The following RBM6 variants were observed in gnomAD, a reference collection of about 807,000 sequenced individuals.
RBM6 encodes RNA binding motif protein 6.
A neutral mutation model predicts 140.4 loss-of-function variants in RBM6; 23 were observed. That is an observed-to-expected ratio of 0.16 (90% CI 0.12 to 0.23). The LOEUF (loss-of-function observed/expected upper bound fraction) is 0.23, where lower values mean the gene tolerates loss of function less well. Ranked by LOEUF, RBM6 falls within the 10% of genes least tolerant of loss-of-function variation. RBM6 has a pLI of 1.00. For missense variants in RBM6, 1,139 were observed against 1,386.7 expected (o/e 0.82, Z 2.84); for synonymous variants, 439 against 475.6 (o/e 0.92, Z 1.00).
rs770271909 is a variant in RBM6, at chr3:50,058,550, C to T, written c.2118C>T (p.Leu706=). 27 of 1,608,222 alleles carry T rather than the reference C, an allele frequency of 1.7e-5. No individual in the cohort carries two copies. The highest frequency in any genetic ancestry group is 5.5e-5 in the South Asian group (5 of 90,950). Residue 706 remains leucine, a synonymous_variant, in exon 10 of 21, where the codon CTC becomes CTT. Coordinates refer to ENST00000266022, the MANE Select transcript of RBM6 (RefSeq NM_005777.3). The stretch of plus-strand genomic sequence containing the variant: ...GGCATACCTATGGCTTTATTGACCT[C>T]GACTCCCATGCGGTGAGTTTCCTCC... ...PMGHTYGFID[L]DSHAEALRVV...
Position 49,955,152 on chromosome 3 carries a change from TTTTC to T in RBM6, c.-66-7416_-66-7413del, listed in dbSNP as rs1559520105. Among the ~76,000 whole-genome samples the T allele has an allele frequency of 1.1e-4, 14 of 121,774 alleles. No homozygotes were observed. In the South Asian group the frequency reaches 3.5e-3, roughly 30 times the overall value. 79.9% of individuals were successfully genotyped at this position (121,774 alleles called of 152,430 possible). A position where few individuals can be genotyped will look rare whatever the true frequency, so the allele number is the denominator to read the frequency against. ...ATTCTTAGGGCCGCATAGTATTTTT[TTTTC>T]TTTCTTTTTTTTTTTTTTTTTTTTT... On this transcript the variant is annotated intron_variant, in intron 1 of 20. Coordinates refer to ENST00000266022, the MANE Select transcript of RBM6 (RefSeq NM_005777.3).
intron 1 of RBM6, among the ~76,000 whole-genome samples, chr3:49,949,448 A>G (rs914985594): frequency 6.6e-6 from 1 of 151,544 alleles, no homozygotes; most frequent in African/African-American, 2.4e-5. Flanking sequence ...GCTGGAGTGC[A>G]GTGGTGTGAT....
At chr3:49,952,728 C>T (rs1186484500) in intron 1 of RBM6, among the ~76,000 whole-genome samples, 1 of 151,570 alleles carries the variant, frequency 6.6e-6, no homozygotes, top group East Asian at 2.0e-4. Flanking sequence ...AAACTCCCGA[C>T]CTCAGGTGAT....
intron 5 of RBM6, among the ~76,000 whole-genome samples, chr3:49,976,707 C>T (rs1349191817): frequency 6.6e-6 from 1 of 152,112 alleles, no homozygotes; most frequent in Non-Finnish European, 1.5e-5. Flanking sequence ...AATAGCAGTT[C>T]AAACTCCAGT....
chr3:50,048,196 C>CT (rs759195890), intron 6 of RBM6, 49 bp from the exon 7 acceptor site: 8 of 1,597,886 alleles, frequency 5.0e-6, no homozygotes, highest in Middle Eastern at 3.3e-4. Flanking sequence ...CTGTCTCTGT[C>CT]TGTTTCTCCA....
At chr3:50,028,145 T>C (rs1438167522) in intron 6 of RBM6, among the ~76,000 whole-genome samples, 1 of 152,110 alleles carries the variant, frequency 6.6e-6, no homozygotes, top group African/African-American at 2.4e-5. Context: ...GTTTTGAGCA[T>C]ATCAAGGGCT....
At chr3:50,064,984 G>T (rs775659419) in intron 15 of RBM6, 47 bp from the exon 16 acceptor site, 111 of 1,513,332 alleles carry the variant, frequency 7.3e-5, no homozygotes, top group Non-Finnish European at 9.9e-5. Flanking sequence ...GCCTTTATCA[G>T]TTATTATGAG....
At chr3:50,054,231 G>A (rs1384169873) in intron 7 of RBM6, 104 bp from the exon 8 acceptor site, 7 of 915,810 alleles carry the variant, frequency 7.6e-6, no homozygotes, top group Non-Finnish European at 1.3e-5. Context: ...AGGGGATCTG[G>A]GATATGGCTT....
At position 50,039,425 on chromosome 3, in the gene RBM6, G is replaced by T. The variant is rs375608477; in HGVS notation, c.1558-8820G>T. Among the ~76,000 whole-genome samples the T allele has an allele frequency of 6.6e-5, 10 of 151,108 alleles. 1 individual carries two copies. In the East Asian group the frequency reaches 1.7e-3, roughly 26 times the overall value. On this transcript the variant is annotated intron_variant, in intron 6 of 20. Coordinates refer to ENST00000266022, the MANE Select transcript of RBM6 (RefSeq NM_005777.3). ...CAGCTAATTTTGTACTTGTAGTAGAGACAGGGTTTCACCATGTTGGCCAGG... is the reference window on the plus strand; with the variant it reads ...CAGCTAATTTTGTACTTGTAGTAGATACAGGGTTTCACCATGTTGGCCAGG...
chr3:50,064,461 T>G (rs937119055), intron 15 of RBM6, among the ~76,000 whole-genome samples: 1 of 152,216 alleles, frequency 6.6e-6, no homozygotes, highest in African/African-American at 2.4e-5. Context: ...TATACATGCC[T>G]CATCTGGTCT....
chr3:49,958,007 T>C (rs768774080), intron 1 of RBM6, among the ~76,000 whole-genome samples: 15 of 152,150 alleles, frequency 9.9e-5, no homozygotes, highest in Non-Finnish European at 1.8e-4. Flanking sequence ...GATTTTTGTA[T>C]TTTTAGTAGA....
intron 6 of RBM6, among the ~76,000 whole-genome samples, chr3:50,040,474 ATAT>A (rs2088837715): frequency 3.3e-5 from 1 of 30,426 alleles, no homozygotes; most frequent in African/African-American, 1.2e-4. Context: ...AAAAAAAAAT[ATAT>A]ATATATATAT....
intron 6 of RBM6, among the ~76,000 whole-genome samples, chr3:50,031,502 G>C (rs372397456): frequency 1.3e-5 from 2 of 150,398 alleles, no homozygotes; most frequent in East Asian, 2.0e-4. Context: ...GACACCACAT[G>C]TTCTCACTTA....
chr3:50,049,102 GTTTATTTA>G (rs749733257), intron 7 of RBM6, among the ~76,000 whole-genome samples: 6 of 151,092 alleles, frequency 4.0e-5, no homozygotes, highest in African/African-American at 1.5e-4. Flanking sequence ...GCGCTGGCCT[GTTTATTTA>G]TTTATTTATT....
Position 50,061,211 on chromosome 3 carries a change from A to G in RBM6, c.2343A>G (p.Gln781=), listed in dbSNP as rs1296144159. ...NSDWSSDTNR[Q]GQQSSSDCYI... ...ACTGGTCTTCAGATACAAATCGACA[A>G]GGACAACAGTGTAAGTAACCTTTGT... is the stretch of plus-strand genomic sequence containing the variant. The change falls in exon 13 of 21, where the codon CAA becomes CAG. Residue 781 remains glutamine, a synonymous_variant. Coordinates refer to ENST00000266022, the MANE Select transcript of RBM6 (RefSeq NM_005777.3). The G allele has an allele frequency of 6.2e-7, 1 of 1,614,216 alleles. No individual in the cohort carries two copies. The highest frequency in any genetic ancestry group is 1.1e-5 in the South Asian group (1 of 91,078).
intron 6 of RBM6, among the ~76,000 whole-genome samples, chr3:50,013,155 G>C (rs1423283116): frequency 6.6e-6 from 1 of 152,148 alleles, no homozygotes; most frequent in Admixed American, 6.5e-5. Flanking sequence ...CTTCCTTTGA[G>C]GTTGGATGGA....
At chr3:49,955,522 C>T (rs141327609) in intron 1 of RBM6, among the ~76,000 whole-genome samples, 2,117 of 152,006 alleles carry the variant, frequency 0.014, 46 homozygotes, top group African/African-American at 0.046. Flanking sequence ...CTTAGACTCC[C>T]GAGTAGCTGG....
chr3:49,991,850 AC>A (rs1182822906), intron 5 of RBM6, among the ~76,000 whole-genome samples: 1 of 152,200 alleles, frequency 6.6e-6, no homozygotes, highest in Non-Finnish European at 1.5e-5. Context: ...TATCTGGGCC[AC>A]TATGTTTGCT....
In RBM6 at chr3:49,955,157, TTTC is replaced by T. The variant is rs1481805924; in HGVS notation, c.-66-7416_-66-7414del. Among the ~76,000 whole-genome samples, 78 of 88,094 alleles carry T rather than the reference TTTC, an allele frequency of 8.9e-4. No homozygotes were observed. The South Asian group carries it at 0.029, about 33-fold the overall frequency. The allele number at this position is 88,094 out of a possible 152,430, so 57.8% of individuals were successfully genotyped here. On this transcript the variant is annotated intron_variant, in intron 1 of 20. Coordinates refer to ENST00000266022, the MANE Select transcript of RBM6 (RefSeq NM_005777.3). ...TAGGGCCGCATAGTATTTTTTTTTCTTTCTTTTTTTTTTTTTTTTTTTTTTTTG... is the reference window on the plus strand; with the variant it reads ...TAGGGCCGCATAGTATTTTTTTTTCTTTTTTTTTTTTTTTTTTTTTTTTTG...
Sources: allele counts gnomAD v4.1 joint callset (sites outside exome capture counted in the v4.1 genomes callset), GRCh38; gene constraint gnomAD v4.1.1; transcripts MANE v1.5; gene names NCBI Gene and HGNC (gene_info 2026-07-23, HGNC 2026-07-21).